The following LRP2 variants were observed in gnomAD, a reference collection of about 807,000 sequenced individuals.
LRP2 encodes the protein LDL receptor related protein 2.
LRP2 carries 172 observed loss-of-function variants against 531.0 expected under a neutral mutation model. The ratio of observed to expected loss-of-function variants is 0.32; its 90% CI spans 0.29 to 0.37. LRP2 has a LOEUF of 0.37. Ranked by LOEUF, LRP2 falls within the 10% of genes least tolerant of loss-of-function variation. LRP2 has a pLI of 1.00. For missense variants in LRP2, 5,167 were observed against 5,868.3 expected (o/e 0.88, Z 3.90); for synonymous variants, 1,992 against 2,027.6 (o/e 0.98, Z 0.47).
In LRP2 at chr2:169,273,066, A is replaced by G; in HGVS notation, c.1977T>C (p.Ala659=). The change falls in exon 15 of 79, where the codon GCT becomes GCC. Residue 659 remains alanine, a splice_region_variant and synonymous_variant. Coordinates refer to ENST00000649046, the MANE Select transcript of LRP2 (RefSeq NM_004525.3). ...TVYHSLRQPY[A]TNPCKDNNGG... ...CATTGTTATCTTTACACGGATTGGT[A>G]GCTGGAAGGAAAAATGCACAGGGTT... 6.2e-7 allele frequency: 1 copy of G among 1,613,550 alleles called. No individual in the cohort carries two copies. The highest frequency in any genetic ancestry group is 2.2e-5 in the East Asian group (1 of 44,864).
intron 76 of LRP2, 139 bp downstream of exon 76, chr2:169,137,253 A>T (rs1303132100): frequency 1.4e-6 from 1 of 736,198 alleles, no homozygotes; most frequent in African/African-American, 1.7e-5. Context: ...GTTCCTGCAG[A>T]TAGGGCAGCT....
intron 19 of LRP2, among the ~76,000 whole-genome samples, chr2:169,251,639 T>A: frequency 3.2e-5 from 2 of 63,134 alleles, no homozygotes; most frequent in African/African-American, 1.0e-4. Context: ...ATAACTAAAA[T>A]CAGAGCAGAA....
rs375092874 is a variant in LRP2, at chr2:169,139,234, C to T, written c.13388+17G>A. The T allele has an allele frequency of 6.2e-7, 1 of 1,613,952 alleles. No homozygotes were observed. The highest frequency in any genetic ancestry group is 1.3e-5 in the African/African-American group (1 of 74,912). On this transcript the variant is annotated intron_variant, in intron 74 of 78. Transcript: ENST00000649046. The stretch of plus-strand genomic sequence containing the variant: ...TCTTAGGCTTCAAACATCAACGTTC[C>T]CCATAATGAAACTGACCTTGGCAGC...
chr2:169,227,967 CCTT>C (rs1316323884), intron 31 of LRP2, among the ~76,000 whole-genome samples: 1 of 152,124 alleles, frequency 6.6e-6, no homozygotes, highest in Non-Finnish European at 1.5e-5. Flanking sequence ...ACTTCCAGGC[CCTT>C]CTTCTCTCAG....
At chr2:169,271,770 A>T in intron 15 of LRP2, 1 of 777,392 alleles carries the variant, frequency 1.3e-6, no homozygotes, top group Non-Finnish European at 1.6e-6. Context: ...AGAGATCTAC[A>T]CCAAGAACCT....
chr2:169,236,169 A>AC, intron 28 of LRP2, 101 bp from the exon 29 acceptor site: 1 of 875,592 alleles, frequency 1.1e-6, no homozygotes, highest in Non-Finnish European at 1.9e-6. Flanking sequence ...CCCTGCTTAA[A>AC]ATAAATCATC....
intron 1 of LRP2, among the ~76,000 whole-genome samples, chr2:169,335,586 A>T (rs1250706821): frequency 6.6e-6 from 1 of 152,114 alleles, no homozygotes; most frequent in Non-Finnish European, 1.5e-5. Flanking sequence ...AGGCCATAGC[A>T]GGAGGATCTC....
At chr2:169,343,404 T>C (rs1039410773) in intron 1 of LRP2, among the ~76,000 whole-genome samples, 2 of 152,178 alleles carry the variant, frequency 1.3e-5, no homozygotes, top group African/African-American at 4.8e-5. Context: ...GTTTCTTTAT[T>C]TCAAAAAATC....
At chr2:169,352,561 C>A (rs1051124849) in intron 1 of LRP2, among the ~76,000 whole-genome samples, 10 of 152,140 alleles carry the variant, frequency 6.6e-5, no homozygotes, top group African/African-American at 1.9e-4. Context: ...CTCAGAATCA[C>A]CTTGAAACTT....
intron 63 of LRP2, among the ~76,000 whole-genome samples, chr2:169,158,874 A>G (rs919077934): frequency 6.7e-6 from 1 of 148,792 alleles, no homozygotes; most frequent in South Asian, 2.1e-4. Context: ...AACACAGTTT[A>G]TTTTTGTAGA....
intron 3 of LRP2, among the ~76,000 whole-genome samples, chr2:169,316,183 AAG>A (rs1559071950): frequency 1.3e-5 from 2 of 151,888 alleles, no homozygotes; most frequent in African/African-American, 2.4e-5. Context: ...ATAAAAATAA[AAG>A]AGAGAGAAAT....
chr2:169,307,303 A>G lies in LRP2; in HGVS notation c.405T>C (p.Asp135=). The change falls in exon 4 of 79, where the codon GAT becomes GAC. Residue 135 remains aspartate, a synonymous_variant. Coordinates refer to ENST00000649046, the MANE Select transcript of LRP2 (RefSeq NM_004525.3). ...CACGGCAGTCATTCTCATCAGCTCC[A>G]TCGGGGCAGTCTCTGACGTGGTCGC... is the stretch of plus-strand genomic sequence containing the variant. The part of the protein sequence containing the change: ...YRCDHVRDCP[D]GADENDCQYP... 2 of 1,612,830 alleles carry G rather than the reference A, an allele frequency of 1.2e-6. No homozygotes were observed. Among genetic ancestry groups the G allele is most frequent in the South Asian group, 2.2e-5 (2 of 91,064 alleles).
chr2:169,192,015 T>G lies in LRP2; in HGVS notation c.8849A>C (p.Asp2950Ala), dbSNP rs1181875141. 1.9e-6 allele frequency: 3 copies of G among 1,612,596 alleles called. No homozygotes were observed. The highest frequency in any genetic ancestry group is 2.5e-6 in the Non-Finnish European group (3 of 1,178,770). ...GTCATTTACACAGAGAAACTCGGAA[T>G]CCGAGCAGTTTTGATTCTCTGAAAC... Reference protein sequence around the residue: ...RHQCQNQNCSDSEFLCVNDRP... With the variant: ...RHQCQNQNCSASEFLCVNDRP... Residue 2950 changes from aspartate (D) to alanine (A), a missense_variant, in exon 48 of 79, where the codon GAT becomes GCT. By Grantham distance (126) the Asp-to-Ala change is moderately radical. This residue lies in a region of LRP2 where 1,129 missense variants were observed against 1,362.7 expected (regional missense o/e 0.83). Transcript: ENST00000649046.
intron 57 of LRP2, among the ~76,000 whole-genome samples, 168 bp from the exon 58 acceptor site, chr2:169,172,302 C>T (rs1399223046): frequency 6.6e-6 from 1 of 152,174 alleles, no homozygotes; most frequent in East Asian, 1.9e-4. Context: ...CTTTTAGCTA[C>T]CCTGAGCCTA....
At chr2:169,361,041 C>T (rs1686134359) in intron 1 of LRP2, among the ~76,000 whole-genome samples, 1 of 152,226 alleles carries the variant, frequency 6.6e-6, no homozygotes, top group South Asian at 2.1e-4. Flanking sequence ...CAATTTATTG[C>T]TTTGGCTAAT....
At chr2:169,141,664 C>T (rs1306045735) in intron 71 of LRP2, among the ~76,000 whole-genome samples, 1 of 152,228 alleles carries the variant, frequency 6.6e-6, no homozygotes, top group Non-Finnish European at 1.5e-5. Context: ...GATGAGGTGA[C>T]AACCAGGACC....
At chr2:169,213,178 A>G (rs1688657643) in intron 36 of LRP2, among the ~76,000 whole-genome samples, 1 of 152,192 alleles carries the variant, frequency 6.6e-6, no homozygotes, top group East Asian at 1.9e-4. Flanking sequence ...GGCAACATCC[A>G]AAAGCATTCT....
At chr2:169,135,198 A>G (rs1685453737) in intron 76 of LRP2, among the ~76,000 whole-genome samples, 1 of 152,158 alleles carries the variant, frequency 6.6e-6, no homozygotes, top group Non-Finnish European at 1.5e-5. Context: ...TCCTCAAGGA[A>G]ATCACTTCTC....
chr2:169,353,029 G>A (rs1685894195), intron 1 of LRP2, among the ~76,000 whole-genome samples: 1 of 152,096 alleles, frequency 6.6e-6, no homozygotes. Context: ...TCCCAGAACT[G>A]AAAGTAAAAT....
Sources: allele counts gnomAD v4.1 joint callset (sites outside exome capture counted in the v4.1 genomes callset), GRCh38; gene constraint gnomAD v4.1.1; regional missense constraint gnomAD v4.1.1; transcripts MANE v1.5; gene names NCBI Gene and HGNC (gene_info 2026-07-23, HGNC 2026-07-21).